Variants in ADK observed in about 807,000 individuals in gnomAD.
ADK encodes adenosine kinase, also known as N6,N6-dimethyladenosine kinase.
In ADK, 24 loss-of-function variants were observed where a neutral mutation model predicts 44.7. The ratio of observed to expected loss-of-function variants is 0.54; its 90% CI spans 0.39 to 0.76. ADK has a LOEUF of 0.76. Ranked by LOEUF, ADK falls within the 30% of genes least tolerant of loss-of-function variation. The pLI, the probability that ADK is intolerant of heterozygous loss-of-function variation, is 0.00. For missense variants in ADK, 321 were observed against 425.1 expected (o/e 0.76, Z 2.15); for synonymous variants, 128 against 142.6 (o/e 0.90, Z 0.73).
rs546468594 is a variant in ADK, at chr10:74,410,896, G to A, written c.555+12317G>A. 3.3e-5 allele frequency among the ~76,000 whole-genome samples: 5 copies of A among 152,166 alleles called. No homozygotes were observed. In the East Asian group the frequency reaches 7.7e-4, roughly 23 times the overall value. ...AGCTCTTTATATATAGCATTAAATA[G>A]AGTTCAAAGTATTTTTGGAATTTAT... On this transcript the variant is annotated intron_variant, in intron 6 of 10. Transcript: ENST00000539909.
At chr10:74,429,721 A>T (rs562211616) in intron 6 of ADK, among the ~76,000 whole-genome samples, 4 of 152,288 alleles carry the variant, frequency 2.6e-5, no homozygotes, top group African/African-American at 9.6e-5. Context: ...GACTAGTGAT[A>T]CTCTCAAACT....
At chr10:74,329,508 C>G (rs1480701608) in intron 4 of ADK, among the ~76,000 whole-genome samples, 1 of 152,198 alleles carries the variant, frequency 6.6e-6, no homozygotes, top group Non-Finnish European at 1.5e-5. Context: ...TGTTGCCCAC[C>G]TATCTATTAA....
intron 3 of ADK, among the ~76,000 whole-genome samples, chr10:74,310,009 CAT>C (rs934926929): frequency 3.3e-5 from 5 of 151,838 alleles, no homozygotes; most frequent in African/African-American, 9.7e-5. Context: ...AATAATGTAA[CAT>C]AAATAATTAT....
intron 4 of ADK, among the ~76,000 whole-genome samples, chr10:74,384,052 C>G (rs1311554523): frequency 6.6e-6 from 1 of 152,122 alleles, no homozygotes; most frequent in Non-Finnish European, 1.5e-5. Context: ...GGCCACTCTG[C>G]AAAGACTAAG....
chr10:74,523,916 A>G (rs1328705062), intron 6 of ADK, among the ~76,000 whole-genome samples: 1 of 152,138 alleles, frequency 6.6e-6, no homozygotes, highest in Admixed American at 6.5e-5. Flanking sequence ...AAATTTTCCC[A>G]TAAGCTTGTT....
chr10:74,445,286 G>T (rs1302579781), intron 6 of ADK, among the ~76,000 whole-genome samples: 1 of 151,908 alleles, frequency 6.6e-6, no homozygotes, highest in Non-Finnish European at 1.5e-5. Context: ...TAACAAGTGT[G>T]AATGTCATTA....
intron 10 of ADK, among the ~76,000 whole-genome samples, chr10:74,674,684 C>T (rs754109187): frequency 1.8e-4 from 27 of 152,140 alleles, no homozygotes; most frequent in Admixed American, 5.2e-4. Flanking sequence ...GAGTTTGAGA[C>T]CAGCCTGGCC....
At chr10:74,293,228 A>G (rs1486929350) in intron 3 of ADK, among the ~76,000 whole-genome samples, 2 of 151,436 alleles carry the variant, frequency 1.3e-5, no homozygotes, top group Non-Finnish European at 2.9e-5. Flanking sequence ...GGTTGTATTT[A>G]GAAACAAGAA....
chr10:74,481,137 C>G (rs1847057347), intron 6 of ADK, among the ~76,000 whole-genome samples: 1 of 151,986 alleles, frequency 6.6e-6, no homozygotes, highest in South Asian at 2.1e-4. Flanking sequence ...CATTTCTTCC[C>G]TGATTACTTT....
At chr10:74,707,747 GA>G (rs1478314541) in intron 10 of ADK, among the ~76,000 whole-genome samples, 2 of 135,824 alleles carry the variant, frequency 1.5e-5, no homozygotes, top group African/African-American at 2.8e-5. Context: ...TGGGCAACAA[GA>G]GTGGAACTCC....
intron 7 of ADK, among the ~76,000 whole-genome samples, chr10:74,576,209 A>G (rs1359129332): frequency 6.6e-6 from 1 of 152,196 alleles, no homozygotes; most frequent in Non-Finnish European, 1.5e-5. Context: ...GATATGCAAC[A>G]GAAAAGAAGG....
chr10:74,569,492 C>G (rs1179474625), intron 7 of ADK, among the ~76,000 whole-genome samples: 1 of 152,174 alleles, frequency 6.6e-6, no homozygotes, highest in East Asian at 1.9e-4. Flanking sequence ...GATGGTATCT[C>G]ATTGTGGTTT....
intron 3 of ADK, among the ~76,000 whole-genome samples, chr10:74,245,714 C>T (rs1287866293): frequency 6.6e-6 from 1 of 151,470 alleles, no homozygotes; most frequent in Non-Finnish European, 1.5e-5. Flanking sequence ...TGTCAGCCTT[C>T]TTAGTAGCTG....
At chr10:74,667,427 CAAT>C (rs900730512) in intron 9 of ADK, among the ~76,000 whole-genome samples, 1 of 150,996 alleles carries the variant, frequency 6.6e-6, no homozygotes, top group East Asian at 1.9e-4. Flanking sequence ...TAAAGTATCT[CAAT>C]GATGTGTGTG....
At chr10:74,310,183 A>G (rs1840387243) in intron 3 of ADK, among the ~76,000 whole-genome samples, 1 of 152,130 alleles carries the variant, frequency 6.6e-6, no homozygotes, top group African/African-American at 2.4e-5. Flanking sequence ...AAAAGGAGAA[A>G]GTAAGAAGGA....
At chr10:74,633,714 A>T (rs868499320) in intron 9 of ADK, among the ~76,000 whole-genome samples, 1 of 152,204 alleles carries the variant, frequency 6.6e-6, no homozygotes, top group South Asian at 2.1e-4. Context: ...ACCTGGAGAC[A>T]CTGGAGAAGA....
chr10:74,695,722 C>G (rs1048613034), intron 10 of ADK, among the ~76,000 whole-genome samples: 1 of 151,778 alleles, frequency 6.6e-6, no homozygotes, highest in Non-Finnish European at 1.5e-5. Context: ...TCACTACAGC[C>G]TCATCCTTCT....
rs535786374 is a variant in ADK at position 74,530,304 on chromosome 10, C to T, written c.726+4878C>T. Reference sequence around the variant, plus strand: ...TAAAATATAGTTATCAGAGAATATACGTAGGATTCTTTAATATTTCCCCCC... The same window carrying T: ...TAAAATATAGTTATCAGAGAATATATGTAGGATTCTTTAATATTTCCCCCC... On this transcript the variant is annotated intron_variant, in intron 7 of 10. Transcript: ENST00000539909. Among the ~76,000 whole-genome samples the T allele has an allele frequency of 1.8e-4, 27 of 151,988 alleles. No individual in the cohort carries two copies. The South Asian group carries it at 5.0e-3, about 28-fold the overall frequency.
At chr10:74,208,520 T>A (rs976475983) in intron 2 of ADK, among the ~76,000 whole-genome samples, 2 of 152,234 alleles carry the variant, frequency 1.3e-5, no homozygotes, top group Non-Finnish European at 2.9e-5. Context: ...AATCTTTAAC[T>A]TTGATTTTCA....
Sources: gnomAD v4.1 joint callset for allele counts (sites outside exome capture counted in the v4.1 genomes callset) on GRCh38, gnomAD v4.1.1 for gene constraint, MANE v1.5 for transcripts, NCBI Gene and HGNC (gene_info 2026-07-23, HGNC 2026-07-21) for gene names.